The following FREM2 variants were observed in gnomAD, a reference collection of about 807,000 sequenced individuals.
FREM2 encodes FRAS1 related extracellular matrix 2, also known as FRAS1-related extracellular matrix protein 2.
Under a neutral mutation model 219.9 loss-of-function variants are expected in FREM2, and 119 were observed. The ratio of observed to expected loss-of-function variants is 0.54; its 90% CI spans 0.47 to 0.63. The LOEUF (loss-of-function observed/expected upper bound fraction) is 0.63, where lower values mean the gene tolerates loss of function less well. FREM2 is among the 30% of genes least tolerant of loss of function. The pLI is 0.00. For missense variants in FREM2, 4,030 were observed against 3,993.6 expected, an observed-to-expected ratio of 1.01 and a Z score of -0.25; for synonymous variants, 1,562 against 1,522.8, an observed-to-expected ratio of 1.03 and a Z score of -0.60.
intron 2 of FREM2, among the ~76,000 whole-genome samples, chr13:38,709,539 G>T (rs1386710551): frequency 1.3e-5 from 2 of 151,778 alleles, no homozygotes; most frequent in East Asian, 1.9e-4. Flanking sequence ...TAATGTAAAA[G>T]GTTGTTAGAC....
At position 38,848,465 on chromosome 13, in the gene FREM2, A is replaced by C; in HGVS notation, c.6174A>C (p.Gly2058=). Residue 2058 remains glycine, a synonymous_variant, in exon 8 of 24, where the codon GGA becomes GGC. Transcript: ENST00000280481. ...ATTTTTTTGTTACTGTCATAGCTGG[A>C]ACAGACTATGTGGGCATCAGCCGTA... The part of the protein sequence containing the change: ...RKTDPPSADA[G]TDYVGISRNL... 1 of 1,610,880 alleles carries C rather than the reference A, an allele frequency of 6.2e-7. No individual in the cohort carries two copies. Among genetic ancestry groups the C allele is most frequent in the Non-Finnish European group, 8.5e-7 (1 of 1,177,100 alleles).
intron 15 of FREM2, among the ~76,000 whole-genome samples, chr13:38,863,362 T>C (rs917275904): frequency 1.1e-4 from 17 of 152,204 alleles, no homozygotes; most frequent in African/African-American, 4.1e-4. Flanking sequence ...TTTTCAACAT[T>C]TATGATCCAG....
intron 2 of FREM2, among the ~76,000 whole-genome samples, chr13:38,739,583 C>A (rs1437488509): frequency 1.3e-5 from 2 of 150,524 alleles, no homozygotes; most frequent in African/African-American, 5.0e-5. Context: ...GATCATCCTT[C>A]TCTCTAAGAC....
At chr13:38,827,938 A>T (rs2137885017) in intron 6 of FREM2, among the ~76,000 whole-genome samples, 1 of 152,292 alleles carries the variant, frequency 6.6e-6, no homozygotes, top group South Asian at 2.1e-4. Context: ...GAGACAAGTT[A>T]TACATGTTAA....
At chr13:38,747,188 C>T (rs1872519308) in intron 2 of FREM2, among the ~76,000 whole-genome samples, 1 of 152,118 alleles carries the variant, frequency 6.6e-6, no homozygotes, top group Non-Finnish European at 1.5e-5. Flanking sequence ...CAGTCTCACT[C>T]ACTTTGTTAT....
intron 2 of FREM2, among the ~76,000 whole-genome samples, chr13:38,730,584 G>T (rs1038416855): frequency 6.6e-6 from 1 of 152,174 alleles, no homozygotes; most frequent in Non-Finnish European, 1.5e-5. Context: ...AGACTTGCAA[G>T]AAGAAAGTAA....
intron 2 of FREM2, among the ~76,000 whole-genome samples, chr13:38,749,544 A>G (rs1479323433): frequency 2.6e-5 from 4 of 152,294 alleles, no homozygotes; most frequent in East Asian, 1.9e-4. Flanking sequence ...CCCCAGTGCT[A>G]TTGACATTTG....
rs116722266 is a variant in FREM2 at position 38,813,406 on chromosome 13, G to T, written c.6019+28598G>T. On this transcript the variant is annotated intron_variant, in intron 6 of 23. Transcript: ENST00000280481. Reference sequence around the variant, plus strand: ...ATACCCCTCTCTCCTGTCCTGTAAGGTTTCCACTGTAAAGTCTGCTGCCAG... The same window carrying T: ...ATACCCCTCTCTCCTGTCCTGTAAGTTTTCCACTGTAAAGTCTGCTGCCAG... 5.8e-3 allele frequency among the ~76,000 whole-genome samples: 834 copies of T among 143,430 alleles called. 7 individuals carry two copies. Among genetic ancestry groups the T allele is most frequent in the African/African-American group, 0.02 (783 of 38,934 alleles). The allele number at this position is 143,430 out of a possible 152,430, so 94.1% of individuals were successfully genotyped here. A position where few individuals can be genotyped will look rare whatever the true frequency, so the allele number is the denominator to read the frequency against.
intron 2 of FREM2, among the ~76,000 whole-genome samples, chr13:38,722,943 G>A (rs1164788752): frequency 1.3e-5 from 2 of 152,086 alleles, no homozygotes; most frequent in Admixed American, 1.3e-4. Flanking sequence ...GCAAAACCCA[G>A]CTGGCAGCCA....
chr13:38,743,832 T>C (rs1337208091), intron 2 of FREM2, among the ~76,000 whole-genome samples: 1 of 152,184 alleles, frequency 6.6e-6, no homozygotes, highest in Non-Finnish European at 1.5e-5. Context: ...GTCCCTAGCG[T>C]CAGCATAGTG....
Position 38,687,475 on chromosome 13 carries a change from T to C in FREM2, c.131T>C (p.Val44Ala). 1 of 1,592,058 alleles carries C rather than the reference T, an allele frequency of 6.3e-7. No individual in the cohort carries two copies. Among genetic ancestry groups the C allele is most frequent in the Admixed American group, 1.8e-5 (1 of 56,172 alleles). ...LLLLLSLVSRVPAQPAAFGRA... is the reference protein window; with the variant it reads ...LLLLLSLVSRAPAQPAAFGRA... ...CTTCTCCTGTCACTGGTAAGCCGCG[T>C]CCCGGCACAGCCCGCTGCCTTCGGC... The change falls in exon 1 of 24, where the codon GTC (valine) becomes GCC (alanine). Residue 44 changes from valine (V) to alanine (A), a missense_variant. By Grantham distance (64) the Val-to-Ala change is moderately conservative. This residue lies in a region of FREM2 where 3,102 missense variants were observed against 2,950.7 expected (regional missense o/e 1.05). Coordinates refer to ENST00000280481, the MANE Select transcript of FREM2 (RefSeq NM_207361.6).
chr13:38,861,401 C>A (rs1053486831), intron 14 of FREM2, 30 bp from the exon 15 acceptor site: 6 of 1,608,186 alleles, frequency 3.7e-6, no homozygotes, highest in Non-Finnish European at 5.1e-6. Flanking sequence ...ACCTTCTTTT[C>A]GCATAAATAT....
intron 2 of FREM2, among the ~76,000 whole-genome samples, chr13:38,744,285 T>G (rs1301788230): frequency 7.0e-6 from 1 of 143,010 alleles, no homozygotes; most frequent in Non-Finnish European, 1.5e-5. Flanking sequence ...CTCATAGTTC[T>G]CAGCAGCCTC....
At chr13:38,745,270 G>T (rs1026089185) in intron 2 of FREM2, among the ~76,000 whole-genome samples, 1 of 152,046 alleles carries the variant, frequency 6.6e-6, no homozygotes, top group African/African-American at 2.4e-5. Context: ...AAAAAGAAAA[G>T]CTTTGCTGAG....
Position 38,859,482 on chromosome 13 carries a change from T to A in FREM2, c.7411T>A (p.Tyr2471Asn). Residue 2471 changes from tyrosine to asparagine, a missense_variant, in exon 14 of 24, where the codon TAC becomes AAC. Physicochemically the swap from Tyr to Asn is moderately radical, Grantham distance 143. Coordinates refer to ENST00000280481, the MANE Select transcript of FREM2 (RefSeq NM_207361.6). ...SSKMVTLDSI[Y>N]FQPGSRVQCA... is the part of the protein sequence containing the mutation. The stretch of plus-strand genomic sequence containing the variant: ...CAAGATGGTCACACTGGACTCCATA[T>A]ACTTTCAGCCTGGCTCCCGGGTACA... 1 of 1,614,080 alleles carries A rather than the reference T, an allele frequency of 6.2e-7. No individual in the cohort carries two copies. The highest frequency in any genetic ancestry group is 8.5e-7 in the Non-Finnish European group (1 of 1,180,004).
At chr13:38,798,336 G>T (rs758769650) in intron 6 of FREM2, among the ~76,000 whole-genome samples, 1 of 151,912 alleles carries the variant, frequency 6.6e-6, no homozygotes, top group Non-Finnish European at 1.5e-5. Flanking sequence ...ACTTGATCAC[G>T]GTGTATTATC....
chr13:38,720,668 A>G (rs987156536), intron 2 of FREM2, among the ~76,000 whole-genome samples: 1 of 150,360 alleles, frequency 6.7e-6, no homozygotes, highest in Non-Finnish European at 1.5e-5. Context: ...CCTTGGTCCA[A>G]CTGAGTGGTC....
In FREM2 at chr13:38,687,787, G is replaced by T; in HGVS notation, c.443G>T (p.Arg148Leu). The change falls in exon 1 of 24, where the codon CGG (arginine) becomes CTG (leucine). Residue 148 changes from arginine (R) to leucine (L), a missense_variant. Physicochemically the swap from Arg to Leu is moderately radical, Grantham distance 102. Around this residue, in one of 2 missense-constraint regions of FREM2, gnomAD observed 3,102 missense variants for 2,950.7 expected, o/e 1.05. Coordinates refer to ENST00000280481, the MANE Select transcript of FREM2 (RefSeq NM_207361.6). ...CACCTGGGCGCGCGCAGCCCGTCTC[G>T]GGACCGCGTCCGGCTGCAGCTGCGC... ...YSHLGARSPS[R>L]DRVRLQLRYD... 6.5e-7 allele frequency: 1 copy of T among 1,538,274 alleles called. No homozygotes were observed.
intron 3 of FREM2, 34 bp from the exon 4 acceptor site, chr13:38,769,544 G>T: frequency 6.5e-7 from 1 of 1,549,944 alleles, no homozygotes; most frequent in South Asian, 1.1e-5. Flanking sequence ...AAGCGAAAAT[G>T]AAACTAAGAA....
Sources: gnomAD v4.1 joint callset for allele counts (sites outside exome capture counted in the v4.1 genomes callset) on GRCh38, gnomAD v4.1.1 for gene constraint, gnomAD v4.1.1 regional missense constraint, MANE v1.5 for transcripts, NCBI Gene and HGNC (gene_info 2026-07-23, HGNC 2026-07-21) for gene names.